RTKN2: variants seen among roughly 807,000 people sequenced by gnomAD.
RTKN2 encodes the protein rhotekin-2.
RTKN2 carries 69 observed loss-of-function variants against 71.5 expected under a neutral mutation model. The observed-to-expected ratio is 0.96, with a 90% confidence interval of 0.79 to 1.18. The LOEUF is 1.18. RTKN2 is among the 50% of genes most tolerant of loss of function. The pLI is 0.00. For missense variants in RTKN2, 724 were observed against 719.7 expected, an observed-to-expected ratio of 1.01 and a Z score of -0.07; for synonymous variants, 236 against 236.5, an observed-to-expected ratio of 1.00 and a Z score of 0.02.
At chr10:62,185,057 C>G (rs1325365699) in intron 8 of RTKN2, among the ~76,000 whole-genome samples, 1 of 152,150 alleles carries the variant, frequency 6.6e-6, no homozygotes, top group Non-Finnish European at 1.5e-5. Flanking sequence ...AAAAATTTTC[C>G]CATTGTTCTG....
intron 6 of RTKN2, among the ~76,000 whole-genome samples, chr10:62,233,691 G>A (rs1034434343): frequency 1.3e-5 from 2 of 152,094 alleles, no homozygotes; most frequent in African/African-American, 4.8e-5. Flanking sequence ...ACTCAGTCAC[G>A]ATGTAAAATG....
In RTKN2 at chr10:62,218,043, C is replaced by T. The variant is rs1345242430; in HGVS notation, c.888+152G>A. ...CTTGTCATTCTTTTCACCCCGCACCCCCTACAGTTTATATCTGATAACATT... is the reference window on the plus strand; with the variant it reads ...CTTGTCATTCTTTTCACCCCGCACCTCCTACAGTTTATATCTGATAACATT... On this transcript the variant is annotated intron_variant, in intron 8 of 11. Transcript: ENST00000373789. 7.4e-6 allele frequency: 4 copies of T among 541,300 alleles called. No individual in the cohort carries two copies. In the Admixed American group the frequency reaches 9.6e-5, roughly 13 times the overall value. The allele number at this position is 541,300 out of a possible 1,614,324, so 33.5% of individuals were successfully genotyped here.
In RTKN2 at chr10:62,196,413, C is replaced by T; in HGVS notation, c.*1495G>A. 1 of 985,340 alleles carries T rather than the reference C, an allele frequency of 1.0e-6. No individual in the cohort carries two copies. The highest frequency in any genetic ancestry group is 4.7e-5 in the South Asian group (1 of 21,292). 61.0% of individuals were successfully genotyped at this position (985,340 alleles called of 1,614,324 possible). ...AGAAACCTTTTGTTATCATTACTCC[C>T]TCAAGATTCAATTCTTACTAGGAGT... On this transcript the variant is annotated 3_prime_UTR_variant, in exon 12 of 12. Transcript: ENST00000373789.
At chr10:62,204,329 T>C (rs1266524201) in intron 10 of RTKN2, among the ~76,000 whole-genome samples, 3 of 152,192 alleles carry the variant, frequency 2.0e-5, no homozygotes, top group East Asian at 3.8e-4. Context: ...CCATACATTG[T>C]TTTTATGTCC....
intron 2 of RTKN2, among the ~76,000 whole-genome samples, chr10:62,252,972 A>G (rs1019033424): frequency 6.6e-6 from 1 of 152,240 alleles, no homozygotes; most frequent in Non-Finnish European, 1.5e-5. Context: ...CACAGTTAAC[A>G]TAATATAAAA....
rs1300958668 is a variant in RTKN2, at chr10:62,197,681, G to A, written c.*227C>T. 1.7e-5 allele frequency: 23 copies of A among 1,337,844 alleles called. No individual in the cohort carries two copies. The highest frequency in any genetic ancestry group is 1.8e-5 in the Non-Finnish European group (19 of 1,048,886). 82.9% of individuals were successfully genotyped at this position (1,337,844 alleles called of 1,614,324 possible). A position where few individuals can be genotyped will look rare whatever the true frequency, so the allele number is the denominator to read the frequency against. ...CTTCCAACAATTAGGATATTGTCTAGAAACTGCCTCTTGCACACTGCTGGA... is the reference window on the plus strand; with the variant it reads ...CTTCCAACAATTAGGATATTGTCTAAAAACTGCCTCTTGCACACTGCTGGA... On this transcript the variant is annotated 3_prime_UTR_variant, in exon 12 of 12. Transcript: ENST00000373789.
chr10:62,265,449 T>C (rs1389097673), intron 1 of RTKN2, among the ~76,000 whole-genome samples: 2 of 152,158 alleles, frequency 1.3e-5, no homozygotes, highest in Non-Finnish European at 2.9e-5. Flanking sequence ...CACAGTAAAC[T>C]ATAATCTTAC....
At chr10:62,236,288 T>C (rs767815425) in intron 5 of RTKN2, 25 bp from the exon 6 acceptor site, 1 of 1,489,970 alleles carries the variant, frequency 6.7e-7, no homozygotes. Context: ...ATTCATAATG[T>C]TGGAAATTTA....
chr10:62,228,698 TGTGA>T (rs1191896125), intron 6 of RTKN2, among the ~76,000 whole-genome samples: 3 of 152,140 alleles, frequency 2.0e-5, no homozygotes, highest in Non-Finnish European at 4.4e-5. Flanking sequence ...AGGAGCCTAC[TGTGA>T]GTAACTGAGA....
Position 62,194,689 on chromosome 10 carries a change from A to T in RTKN2, c.*3219T>A. 1 of 985,398 alleles carries T rather than the reference A, an allele frequency of 1.0e-6. No individual in the cohort carries two copies. Among genetic ancestry groups the T allele is most frequent in the Non-Finnish European group, 1.2e-6 (1 of 829,906 alleles). The allele number at this position is 985,398 out of a possible 1,614,324, so 61.0% of individuals were successfully genotyped here. The stretch of plus-strand genomic sequence containing the variant: ...TGCCCTATAATTTCATTTTGGACTG[A>T]ATTAATTAACTTCTCAGTAGGGGGC... On this transcript the variant is annotated 3_prime_UTR_variant, in exon 12 of 12. Coordinates refer to ENST00000373789, the MANE Select transcript of RTKN2 (RefSeq NM_145307.4).
chr10:62,223,774 A>G (rs1339167621), intron 6 of RTKN2, among the ~76,000 whole-genome samples: 1 of 152,184 alleles, frequency 6.6e-6, no homozygotes, highest in African/African-American at 2.4e-5. Context: ...GTGGTTCCTC[A>G]AAAAATAAGA....
At chr10:62,222,481 T>C (rs1345907777) in intron 7 of RTKN2, among the ~76,000 whole-genome samples, 1 of 152,150 alleles carries the variant, frequency 6.6e-6, no homozygotes, top group African/African-American at 2.4e-5. Flanking sequence ...TAATTTCTCA[T>C]TGTGAAACAA....
chr10:62,230,193 C>T (rs575646872), intron 6 of RTKN2, among the ~76,000 whole-genome samples: 20 of 152,118 alleles, frequency 1.3e-4, no homozygotes, highest in African/African-American at 2.7e-4. Flanking sequence ...TATTTTGAGA[C>T]GGAGTCTCTC....
At chr10:62,243,540 C>T (rs567914225) in intron 3 of RTKN2, among the ~76,000 whole-genome samples, 1 of 152,226 alleles carries the variant, frequency 6.6e-6, no homozygotes, top group Admixed American at 6.5e-5. Context: ...ACACCCACAA[C>T]CTGTGGGTCA....
At chr10:62,186,532 T>C (rs1589321931) in intron 8 of RTKN2, among the ~76,000 whole-genome samples, 1 of 121,490 alleles carries the variant, frequency 8.2e-6, no homozygotes, top group Non-Finnish European at 1.5e-5. Context: ...GTGTGTCCTA[T>C]AGAGAAGCTT....
rs552448776 is a variant in RTKN2 at position 62,216,330 on chromosome 10, T to C, written c.1020+788A>G. 4.6e-5 allele frequency among the ~76,000 whole-genome samples: 7 copies of C among 151,988 alleles called. No homozygotes were observed. The East Asian group carries it at 1.4e-3, about 29-fold the overall frequency. On this transcript the variant is annotated intron_variant, in intron 9 of 11. Coordinates refer to ENST00000373789, the MANE Select transcript of RTKN2 (RefSeq NM_145307.4). ...GCAAAGTAGAACAACTAGAAACAAT[T>C]AGGGGCAGCCCACAGGCAAAAACCA... is the stretch of plus-strand genomic sequence containing the variant.
intron 9 of RTKN2, among the ~76,000 whole-genome samples, chr10:62,206,757 G>C (rs1161718516): frequency 3.3e-5 from 5 of 151,806 alleles, no homozygotes; most frequent in Non-Finnish European, 5.9e-5. Flanking sequence ...TATCATAATA[G>C]AGTCTTTTTA....
At position 62,217,185 on chromosome 10, in the gene RTKN2, TAG is replaced by T. The variant is rs1841789036; in HGVS notation, c.951_952del (p.Tyr318LeufsTer9). The stretch of plus-strand genomic sequence containing the variant: ...AATTTCCTCTGGACTGTAAAAACAA[TAG>T]AGTTTACCTCCTCGCAAAACACAAT... On this transcript the variant is annotated frameshift_variant, in exon 9 of 12. Transcript: ENST00000373789. LOFTEE classifies it high-confidence loss of function. 2 of 1,604,472 alleles carry T rather than the reference TAG, an allele frequency of 1.2e-6. No homozygotes were observed. Among genetic ancestry groups the T allele is most frequent in the African/African-American group, 1.4e-5 (1 of 73,786 alleles).
At chr10:62,208,798 A>C (rs1040410581) in intron 9 of RTKN2, among the ~76,000 whole-genome samples, 3 of 152,194 alleles carry the variant, frequency 2.0e-5, no homozygotes, top group African/African-American at 7.2e-5. Context: ...GAATGTAAAA[A>C]TACTACCAGT....
Sources: allele counts gnomAD v4.1 joint callset (sites outside exome capture counted in the v4.1 genomes callset), GRCh38; gene constraint gnomAD v4.1.1; transcripts MANE v1.5; gene names NCBI Gene and HGNC (gene_info 2026-07-23, HGNC 2026-07-21).